The following NKAIN3 variants were observed in gnomAD, a reference collection of about 807,000 sequenced individuals.
NKAIN3 encodes sodium/potassium-transporting ATPase subunit beta-1-interacting protein 3.
In NKAIN3, 25 loss-of-function variants were observed where a neutral mutation model predicts 30.2. The observed-to-expected ratio is 0.83, with a 90% CI of 0.60 to 1.16. The LOEUF (loss-of-function observed/expected upper bound fraction) is 1.16. NKAIN3 is among the 50% of genes most tolerant of loss of function. The pLI is 0.00. For synonymous variants in NKAIN3, 91 were observed against 89.6 expected (o/e 1.02, Z -0.09); for missense variants, 225 against 254.1 (o/e 0.89, Z 0.78).
At chr8:62,350,592 A>G (rs1417789372) in intron 1 of NKAIN3, among the ~76,000 whole-genome samples, 1 of 152,228 alleles carries the variant, frequency 6.6e-6, no homozygotes, top group Non-Finnish European at 1.5e-5. Flanking sequence ...TGAAATGTAC[A>G]CTAATAAATG....
chr8:62,804,361 A>G (rs541103958), intron 4 of NKAIN3, among the ~76,000 whole-genome samples: 423 of 152,356 alleles, frequency 2.8e-3, no homozygotes, highest in Admixed American at 4.4e-3. Context: ...AGAGAATTTT[A>G]GACCAATATC....
At chr8:62,267,078 G>A (rs1179998235) in intron 1 of NKAIN3, among the ~76,000 whole-genome samples, 1 of 152,188 alleles carries the variant, frequency 6.6e-6, no homozygotes, top group Non-Finnish European at 1.5e-5. Context: ...GGGCGCATCT[G>A]CCCTGCATCA....
chr8:62,262,862 A>G (rs1488558928), intron 1 of NKAIN3, among the ~76,000 whole-genome samples: 1 of 152,196 alleles, frequency 6.6e-6, no homozygotes, highest in Non-Finnish European at 1.5e-5. Context: ...CTTTATACAC[A>G]CTTTTTAACT....
Position 62,968,792 on chromosome 8 carries a change from G to A in NKAIN3, c.*3385G>A, listed in dbSNP as rs1172822040. Among the ~76,000 whole-genome samples, 1 of 152,200 alleles carries A rather than the reference G, an allele frequency of 6.6e-6. No homozygotes were observed. The highest frequency in any genetic ancestry group is 1.5e-5 in the Non-Finnish European group (1 of 68,020). ...TTCTTAAGCGTCTTCTGCTGACCTC[G>A]TGCAGCACCGCAGGAAGCTGGGATG... On this transcript the variant is annotated 3_prime_UTR_variant, in exon 7 of 7. Transcript: ENST00000623646.
In NKAIN3 at chr8:62,980,860, T is replaced by C. The variant is rs572047764; in HGVS notation, c.*15453T>C. ...ATTTTAAGCCACTTGTTTGGTGTTA[T>C]GGATTTTAAGAATCAGTTGGTGTTA... On this transcript the variant is annotated 3_prime_UTR_variant, in exon 7 of 7. Transcript: ENST00000623646. 3 of 152,348 alleles carry C rather than the reference T, an allele frequency of 2.0e-5. No individual in the cohort carries two copies. The highest frequency in any genetic ancestry group is 2.1e-4 in the South Asian group (1 of 4,824). The allele number at this position is 152,348 out of a possible 1,614,324, so 9.4% of individuals were successfully genotyped here. A position where few individuals can be genotyped will look rare whatever the true frequency, so the allele number is the denominator to read the frequency against.
intron 4 of NKAIN3, among the ~76,000 whole-genome samples, chr8:62,876,874 A>G (rs1254350266): frequency 6.6e-6 from 1 of 152,126 alleles, no homozygotes; most frequent in Admixed American, 6.6e-5. Flanking sequence ...CCATCATGGC[A>G]CACGTATACC....
At chr8:62,449,847 T>C (rs1302781296) in intron 1 of NKAIN3, among the ~76,000 whole-genome samples, 1 of 152,260 alleles carries the variant, frequency 6.6e-6, no homozygotes, top group Non-Finnish European at 1.5e-5. Context: ...CATATGGTCC[T>C]TCATTCCTGG....
chr8:62,729,279 T>TA (rs1471410954), intron 3 of NKAIN3, among the ~76,000 whole-genome samples: 6 of 152,048 alleles, frequency 3.9e-5, no homozygotes, highest in African/African-American at 7.2e-5. Context: ...ATGCTCCACG[T>TA]AACAGTTCAT....
At chr8:62,815,069 C>A (rs1413548378) in intron 4 of NKAIN3, among the ~76,000 whole-genome samples, 1 of 151,792 alleles carries the variant, frequency 6.6e-6, no homozygotes, top group African/African-American at 2.4e-5. Flanking sequence ...TACAAACTAC[C>A]CATCAGAGAA....
chr8:62,837,508 A>G (rs1405060162), intron 4 of NKAIN3, among the ~76,000 whole-genome samples: 1 of 152,162 alleles, frequency 6.6e-6, no homozygotes, highest in Non-Finnish European at 1.5e-5. Flanking sequence ...TTTATTCTTC[A>G]CATGAAAACA....
intron 2 of NKAIN3, among the ~76,000 whole-genome samples, chr8:62,586,691 G>T (rs1323549494): frequency 6.6e-6 from 1 of 151,982 alleles, no homozygotes; most frequent in Non-Finnish European, 1.5e-5. Context: ...TGCTTGATGG[G>T]GAAGAAATAG....
intron 3 of NKAIN3, among the ~76,000 whole-genome samples, chr8:62,726,300 C>T (rs1056915552): frequency 6.6e-6 from 1 of 151,948 alleles, no homozygotes; most frequent in African/African-American, 2.4e-5. Flanking sequence ...ATTTGGATGT[C>T]CTTTATTTCC....
At chr8:62,664,830 C>CAGCTGAACTTA (rs1421584249) in intron 3 of NKAIN3, among the ~76,000 whole-genome samples, 1 of 152,140 alleles carries the variant, frequency 6.6e-6, no homozygotes, top group Admixed American at 6.5e-5. Flanking sequence ...TCAAGAACTC[C>CAGCTGAACTTA]AGCTGAGAAA....
chr8:62,889,916 G>A lies in NKAIN3; in HGVS notation c.472-28537G>A, dbSNP rs577761059. Among the ~76,000 whole-genome samples the A allele has an allele frequency of 3.3e-5, 5 of 152,136 alleles. No homozygotes were observed. In the South Asian group the frequency reaches 8.3e-4, roughly 25 times the overall value. ...AATATTTCTGGTTCCATGTTGAGAGGCCACAGTGGAATGGTATAAAAAAAA... is the reference window on the plus strand; with the variant it reads ...AATATTTCTGGTTCCATGTTGAGAGACCACAGTGGAATGGTATAAAAAAAA... On this transcript the variant is annotated intron_variant, in intron 4 of 6. Coordinates refer to ENST00000623646, the MANE Select transcript of NKAIN3 (RefSeq NM_001304533.3).
intron 4 of NKAIN3, chr8:62,863,110 T>C: frequency 8.2e-6 from 11 of 1,343,612 alleles, no homozygotes; most frequent in Non-Finnish European, 1.1e-5. Context: ...TTCCCCATCC[T>C]GCTCATTGGA....
chr8:62,677,206 G>A (rs1452416382), intron 3 of NKAIN3, among the ~76,000 whole-genome samples: 3 of 152,162 alleles, frequency 2.0e-5, no homozygotes, highest in Non-Finnish European at 4.4e-5. Context: ...GGGACGCAGG[G>A]TTAGCAGAGA....
At chr8:62,401,220 T>C (rs772717700) in intron 1 of NKAIN3, among the ~76,000 whole-genome samples, 27 of 152,210 alleles carry the variant, frequency 1.8e-4, no homozygotes, top group Non-Finnish European at 3.4e-4. Context: ...TACAAGACTC[T>C]TATGCACCCT....
At position 62,819,154 on chromosome 8, in the gene NKAIN3, T is replaced by TAC. The variant is rs1554581356; in HGVS notation, c.471+72026_471+72027insCA. Among the ~76,000 whole-genome samples, 259 of 32,698 alleles carry TAC rather than the reference T, an allele frequency of 7.9e-3. 3 individuals carry two copies. The highest frequency in any genetic ancestry group is 0.016 in the African/African-American group (209 of 13,146). The allele number at this position is 32,698 out of a possible 152,430, so 21.5% of individuals were successfully genotyped here. On this transcript the variant is annotated intron_variant, in intron 4 of 6. Coordinates refer to ENST00000623646, the MANE Select transcript of NKAIN3 (RefSeq NM_001304533.3). ...ATCGTTATATATATATATATATACA[T>TAC]ATATATATATATAATTGTTATTTTT... is the stretch of plus-strand genomic sequence containing the variant.
chr8:62,260,737 G>T (rs879390772), intron 1 of NKAIN3, among the ~76,000 whole-genome samples: 4 of 152,090 alleles, frequency 2.6e-5, no homozygotes, highest in Non-Finnish European at 5.9e-5. Flanking sequence ...TGAGCCAGTT[G>T]TTAAATACAG....
Sources: allele counts gnomAD v4.1 joint callset (sites outside exome capture counted in the v4.1 genomes callset), GRCh38; gene constraint gnomAD v4.1.1; transcripts MANE v1.5; gene names NCBI Gene and HGNC (gene_info 2026-07-23, HGNC 2026-07-21).